Variants in ERBB4 observed in about 807,000 individuals in gnomAD.
The protein encoded by ERBB4 is erb-b2 receptor tyrosine kinase 4, also known as receptor tyrosine-protein kinase erbB-4.
In ERBB4, 42 loss-of-function variants were observed where a neutral mutation model predicts 158.0. The ratio of observed to expected loss-of-function variants is 0.27; its 90% CI spans 0.21 to 0.34. ERBB4 has a LOEUF of 0.34. Ranked by LOEUF, ERBB4 falls within the 10% of genes least tolerant of loss-of-function variation. ERBB4 has a pLI of 1.00. For missense variants in ERBB4, 1,333 were observed against 1,624.1 expected, an observed-to-expected ratio of 0.82 and a Z score of 3.08; for synonymous variants, 583 against 558.7, an observed-to-expected ratio of 1.04 and a Z score of -0.61.
intron 1 of ERBB4, among the ~76,000 whole-genome samples, chr2:212,367,895 C>T (rs1386628069): frequency 1.3e-5 from 2 of 152,050 alleles, no homozygotes; most frequent in Non-Finnish European, 2.9e-5. Context: ...CCAACTTTCT[C>T]CTGCAAGAAT....
intron 1 of ERBB4, among the ~76,000 whole-genome samples, chr2:212,467,146 C>T (rs1688878828): frequency 6.6e-6 from 1 of 152,200 alleles, no homozygotes; most frequent in Non-Finnish European, 1.5e-5. Context: ...AAAAGGAAAA[C>T]AGAGTATAAA....
chr2:212,527,632 A>G (rs1203855783), intron 1 of ERBB4, among the ~76,000 whole-genome samples: 1 of 152,016 alleles, frequency 6.6e-6, no homozygotes, highest in African/African-American at 2.4e-5. Context: ...TTGTATTTCT[A>G]TTTCAATACT....
chr2:211,421,902 A>C, intron 24 of ERBB4, 105 bp downstream of exon 24: 1 of 760,068 alleles, frequency 1.3e-6, no homozygotes, highest in South Asian at 1.4e-5. Context: ...TTAATTAATC[A>C]ACATGTTTGT....
chr2:211,728,727 C>T (rs2074347771), intron 5 of ERBB4, among the ~76,000 whole-genome samples: 1 of 151,804 alleles, frequency 6.6e-6, no homozygotes. Context: ...AGCATGGAGT[C>T]AACAATCTTA....
intron 4 of ERBB4, among the ~76,000 whole-genome samples, chr2:211,761,458 T>C (rs1471700467): frequency 6.6e-6 from 1 of 152,084 alleles, no homozygotes; most frequent in African/African-American, 2.4e-5. Flanking sequence ...TCAGAAATTA[T>C]TTTTTCTTTT....
chr2:212,534,915 C>A (rs1692959762), intron 1 of ERBB4, among the ~76,000 whole-genome samples: 1 of 152,146 alleles, frequency 6.6e-6, no homozygotes, highest in Non-Finnish European at 1.5e-5. Flanking sequence ...ATGCATAAAT[C>A]TTCCACAAAG....
chr2:211,554,733 C>A (rs1182723756), intron 20 of ERBB4, among the ~76,000 whole-genome samples: 2 of 152,164 alleles, frequency 1.3e-5, no homozygotes, highest in Non-Finnish European at 2.9e-5. Flanking sequence ...GTATTCGGCT[C>A]CTGACTTTGT....
intron 2 of ERBB4, among the ~76,000 whole-genome samples, chr2:212,106,147 G>C (rs566654386): frequency 1.3e-5 from 2 of 152,280 alleles, no homozygotes; most frequent in East Asian, 3.9e-4. Flanking sequence ...TTTGGAATGG[G>C]TAACAGATTG....
chr2:212,514,337 A>T (rs1057048581), intron 1 of ERBB4, among the ~76,000 whole-genome samples: 1 of 152,236 alleles, frequency 6.6e-6, no homozygotes, highest in African/African-American at 2.4e-5. Flanking sequence ...GTTACAAATA[A>T]AGTTAACAAG....
intron 1 of ERBB4, among the ~76,000 whole-genome samples, chr2:212,378,670 C>T (rs955520991): frequency 6.6e-6 from 1 of 151,686 alleles, no homozygotes; most frequent in African/African-American, 2.4e-5. Flanking sequence ...TTTTTATTAT[C>T]TTTGTGGCTA....
intron 1 of ERBB4, among the ~76,000 whole-genome samples, chr2:212,228,531 T>C (rs1478506042): frequency 6.6e-6 from 1 of 152,184 alleles, no homozygotes; most frequent in African/African-American, 2.4e-5. Flanking sequence ...GCAAGAACAT[T>C]TTTATGGGAC....
intron 1 of ERBB4, among the ~76,000 whole-genome samples, chr2:212,184,248 G>A (rs1469263834): frequency 6.6e-6 from 1 of 151,952 alleles, no homozygotes; most frequent in Non-Finnish European, 1.5e-5. Flanking sequence ...GAAATGACCT[G>A]GACCTCTTTT....
intron 3 of ERBB4, among the ~76,000 whole-genome samples, chr2:211,874,127 T>C (rs879575555): frequency 2.6e-5 from 4 of 152,130 alleles, no homozygotes; most frequent in Non-Finnish European, 4.4e-5. Flanking sequence ...ATCACATCAC[T>C]GCATTCCAGT....
chr2:212,196,347 T>C (rs896290375), intron 1 of ERBB4, among the ~76,000 whole-genome samples: 1 of 152,212 alleles, frequency 6.6e-6, no homozygotes, highest in East Asian at 1.9e-4. Flanking sequence ...TTCATTCTCA[T>C]CTTTATAATG....
intron 2 of ERBB4, among the ~76,000 whole-genome samples, chr2:212,014,653 G>A (rs1384008918): frequency 6.6e-6 from 1 of 151,718 alleles, no homozygotes; most frequent in Non-Finnish European, 1.5e-5. Context: ...CTCTCACATT[G>A]CTTTATTTGA....
chr2:212,411,267 C>G (rs16848505), intron 1 of ERBB4, among the ~76,000 whole-genome samples: 5,269 of 152,150 alleles, frequency 0.035, 154 homozygotes, highest in East Asian at 0.057. Context: ...ACGAAACAGG[C>G]TACAAGCAGT....
At chr2:211,788,267 C>T (rs966312434) in intron 3 of ERBB4, 108 bp from the exon 4 acceptor site, 85 of 789,086 alleles carry the variant, frequency 1.1e-4, no homozygotes, top group Non-Finnish European at 1.6e-4. Context: ...AAATTAGAGT[C>T]ATGTTGCTAA....
intron 1 of ERBB4, among the ~76,000 whole-genome samples, chr2:212,343,868 G>A (rs1441601953): frequency 1.3e-5 from 2 of 151,808 alleles, no homozygotes; most frequent in African/African-American, 4.8e-5. Context: ...TTTTACCAAA[G>A]CCTCATACTG....
chr2:212,290,480 C>T (rs951916346), intron 1 of ERBB4, among the ~76,000 whole-genome samples: 2 of 152,138 alleles, frequency 1.3e-5, no homozygotes. Flanking sequence ...AAGAAATAAT[C>T]TCTCTTGTTT....
Sources: allele counts gnomAD v4.1 joint callset (sites outside exome capture counted in the v4.1 genomes callset), GRCh38; gene constraint gnomAD v4.1.1; transcripts MANE v1.5; gene names NCBI Gene and HGNC (gene_info 2026-07-23, HGNC 2026-07-21).